The following PRDM11 variants were observed in gnomAD, a reference collection of about 807,000 sequenced individuals.
PRDM11 encodes the protein PR domain-containing protein 11.
In PRDM11, 20 loss-of-function variants were observed where a neutral mutation model predicts 97.8. That is an observed-to-expected ratio of 0.20 (90% CI 0.14 to 0.30). The LOEUF is 0.30. Among genes scored for constraint, PRDM11 ranks in the 10% least tolerant of loss-of-function variants. The probability of loss-of-function intolerance (pLI) is 1.00; values close to 1 mark genes in which losing one functional copy is unlikely to be tolerated. For synonymous variants in PRDM11, 599 were observed against 637.7 expected (o/e 0.94, Z 0.91); for missense variants, 1,139 against 1,555.2 (o/e 0.73, Z 4.50).
intron 5 of PRDM11, among the ~76,000 whole-genome samples, chr11:45,218,346 T>C (rs1336353395): frequency 6.6e-6 from 1 of 152,232 alleles, no homozygotes; most frequent in Non-Finnish European, 1.5e-5. Flanking sequence ...CCTTTACCAA[T>C]AGAGATATTA....
chr11:45,206,913 A>T (rs1024510393), intron 5 of PRDM11, among the ~76,000 whole-genome samples: 1 of 152,216 alleles, frequency 6.6e-6, no homozygotes, highest in Middle Eastern at 3.2e-3. Context: ...CTGCTTGTGC[A>T]CAAGGGACCA....
At chr11:45,225,231 A>G (rs1854245541) in intron 7 of PRDM11, 5 of 850,872 alleles carry the variant, frequency 5.9e-6, no homozygotes, top group African/African-American at 1.7e-5. Context: ...TGGCTTCCCT[A>G]ACTTAGTCCA....
At chr11:45,207,927 G>A (rs1024861234) in intron 5 of PRDM11, among the ~76,000 whole-genome samples, 1 of 152,196 alleles carries the variant, frequency 6.6e-6, no homozygotes, top group Non-Finnish European at 1.5e-5. Context: ...TCCTCTCTTG[G>A]GTGGATTTTT....
At chr11:45,108,460 C>T (rs567709707) in intron 1 of PRDM11, among the ~76,000 whole-genome samples, 2 of 152,316 alleles carry the variant, frequency 1.3e-5, no homozygotes, top group African/African-American at 2.4e-5. Context: ...CCCATGTGCC[C>T]ACTGCTCTGT....
At chr11:45,225,694 C>A (rs528925265) in intron 7 of PRDM11, among the ~76,000 whole-genome samples, 1 of 152,266 alleles carries the variant, frequency 6.6e-6, no homozygotes, top group South Asian at 2.1e-4. Context: ...TTGAGCTGTC[C>A]AGTTGATAGG....
intron 5 of PRDM11, chr11:45,214,079 A>G (rs1018213517): frequency 1.3e-5 from 3 of 228,220 alleles, no homozygotes; most frequent in African/African-American, 4.5e-5. Flanking sequence ...TCAGGAGTGG[A>G]GGGCAACCTC....
At chr11:45,215,397 T>C (rs1035055133) in intron 5 of PRDM11, among the ~76,000 whole-genome samples, 1 of 152,174 alleles carries the variant, frequency 6.6e-6, no homozygotes, top group East Asian at 1.9e-4. Context: ...CCAAAAAGCA[T>C]GGCCATAGAA....
chr11:45,229,109 A>T lies in PRDM11; in HGVS notation c.*950A>T, dbSNP rs974805351. ...CCAACAGGGGAGTGATTTTTGGCTA[A>T]AAAACAAGGAAAATGAAAAGTACAT... is the stretch of plus-strand genomic sequence containing the variant. On this transcript the variant is annotated 3_prime_UTR_variant, in exon 8 of 8. Transcript: ENST00000683152. The T allele has an allele frequency of 1.3e-5, 2 of 152,216 alleles. No homozygotes were observed. Among genetic ancestry groups the T allele is most frequent in the Non-Finnish European group, 2.9e-5 (2 of 68,036 alleles). 9.4% of individuals were successfully genotyped at this position (152,216 alleles called of 1,614,324 possible). A position where few individuals can be genotyped will look rare whatever the true frequency, so the allele number is the denominator to read the frequency against.
chr11:45,142,804 T>G (rs1851433250), upstream of PRDM11, among the ~76,000 whole-genome samples: 1 of 152,226 alleles, frequency 6.6e-6, no homozygotes. Context: ...AGAACAGAAC[T>G]GTGCCTGGCT....
chr11:45,218,893 C>T (rs1174821688), intron 5 of PRDM11, among the ~76,000 whole-genome samples: 1 of 152,206 alleles, frequency 6.6e-6, no homozygotes, highest in East Asian at 1.9e-4. Context: ...GCTCCATCTC[C>T]CATTTATTAG....
intron 5 of PRDM11, among the ~76,000 whole-genome samples, chr11:45,206,712 T>C (rs1461822266): frequency 6.6e-6 from 1 of 152,250 alleles, no homozygotes; most frequent in African/African-American, 2.4e-5. Flanking sequence ...GGGATTGGCC[T>C]TGGGCCTTGG....
intron 5 of PRDM11, chr11:45,212,604 C>T (rs767466089): frequency 7.7e-5 from 35 of 456,394 alleles, no homozygotes; most frequent in Non-Finnish European, 1.1e-4. Flanking sequence ...CAGTCTGAGA[C>T]GGTGGGCCCC....
Position 45,234,566 on chromosome 11 carries a change from C to A in PRDM11, c.*6407C>A, listed in dbSNP as rs1448516061. 6.6e-6 allele frequency: 1 copy of A among 152,264 alleles called. No individual in the cohort carries two copies. Among genetic ancestry groups the A allele is most frequent in the Non-Finnish European group, 1.5e-5 (1 of 68,142 alleles). The allele number at this position is 152,264 out of a possible 1,614,324, so 9.4% of individuals were successfully genotyped here. On this transcript the variant is annotated 3_prime_UTR_variant, in exon 8 of 8. Coordinates refer to ENST00000683152, the MANE Select transcript of PRDM11 (RefSeq NM_001384648.1). ...CTTCTTCCCACTGCAGTGGACTAGACCCACGGCCAGGGGATGGGCATCCCC... is the reference window on the plus strand; with the variant it reads ...CTTCTTCCCACTGCAGTGGACTAGAACCACGGCCAGGGGATGGGCATCCCC...
intron 1 of PRDM11, among the ~76,000 whole-genome samples, chr11:45,118,799 T>C (rs1170513337): frequency 1.3e-5 from 2 of 152,200 alleles, no homozygotes; most frequent in African/African-American, 4.8e-5. Flanking sequence ...CAATAAGACA[T>C]GAATACTCAC....
chr11:45,163,495 G>C (rs1179944260), intron 1 of PRDM11, among the ~76,000 whole-genome samples: 1 of 151,406 alleles, frequency 6.6e-6, no homozygotes, highest in Admixed American at 6.6e-5. Context: ...GGATGGGGGG[G>C]GGTACCCGGT....
chr11:45,183,000 G>T lies in PRDM11; in HGVS notation c.363G>T (p.Lys121Asn). ...TCCCACAGGGCATGGAGGTGGTCAAGGACACTAGTGGAGAGAGTGACGTGC... is the reference window on the plus strand; with the variant it reads ...TCCCACAGGGCATGGAGGTGGTCAATGACACTAGTGGAGAGAGTGACGTGC... The part of the protein sequence containing the change: ...LTIPQGMEVV[K>N]DTSGESDVRC... The change falls in exon 4 of 8, where the codon AAG becomes AAT. Residue 121 changes from lysine (K) to asparagine (N), a missense_variant. Lys to Asn is a moderately conservative substitution (Grantham distance 94, BLOSUM62 0). Transcript: ENST00000683152. 1.2e-6 allele frequency: 2 copies of T among 1,614,138 alleles called. No homozygotes were observed. The highest frequency in any genetic ancestry group is 1.7e-6 in the Non-Finnish European group (2 of 1,180,028).
intron 1 of PRDM11, among the ~76,000 whole-genome samples, chr11:45,103,387 G>A (rs1266287999): frequency 6.6e-6 from 1 of 152,198 alleles, no homozygotes; most frequent in Non-Finnish European, 1.5e-5. Context: ...GGGAGATGAG[G>A]AAAGAGGAAG....
chr11:45,170,400 C>G (rs1852173477), intron 1 of PRDM11, among the ~76,000 whole-genome samples: 1 of 151,840 alleles, frequency 6.6e-6, no homozygotes, highest in Non-Finnish European at 1.5e-5. Flanking sequence ...CAGGGAGTTG[C>G]AATATTATAT....
intron 1 of PRDM11, among the ~76,000 whole-genome samples, chr11:45,096,894 A>T (rs1565216207): frequency 6.6e-6 from 1 of 152,156 alleles, no homozygotes; most frequent in African/African-American, 2.4e-5. Context: ...CTGCCTGCTC[A>T]TCTCACATGA....
Sources: allele counts gnomAD v4.1 joint callset (sites outside exome capture counted in the v4.1 genomes callset), GRCh38; gene constraint gnomAD v4.1.1; transcripts MANE v1.5; gene names NCBI Gene and HGNC (gene_info 2026-07-23, HGNC 2026-07-21).